The following SLC4A4 variants were observed in gnomAD, a reference collection of about 807,000 sequenced individuals.
SLC4A4 encodes the protein solute carrier family 4 member 4, also known as electrogenic sodium bicarbonate cotransporter 1.
SLC4A4 carries 27 observed loss-of-function variants against 111.5 expected under a neutral mutation model. The observed-to-expected ratio is 0.24, with a 90% CI of 0.18 to 0.33. The LOEUF is 0.33. Ranked by LOEUF, SLC4A4 falls within the 10% of genes least tolerant of loss-of-function variation. SLC4A4 has a pLI of 1.00. For synonymous variants in SLC4A4, 443 were observed against 463.4 expected, an observed-to-expected ratio of 0.96 and a Z score of 0.57; for missense variants, 909 against 1,315.5, an observed-to-expected ratio of 0.69 and a Z score of 4.78.
At chr4:71,282,345 G>A (rs909063919) in intron 3 of SLC4A4, among the ~76,000 whole-genome samples, 3 of 151,222 alleles carry the variant, frequency 2.0e-5, no homozygotes, top group Non-Finnish European at 2.9e-5. Context: ...CCAGGCTGGA[G>A]TGCAATCTCA....
At chr4:71,435,204 A>C (rs966993316) in intron 7 of SLC4A4, among the ~76,000 whole-genome samples, 1 of 152,224 alleles carries the variant, frequency 6.6e-6, no homozygotes, top group African/African-American at 2.4e-5. Flanking sequence ...CTGGTACCAA[A>C]ACAGATATAT....
chr4:71,351,021 C>T (rs1249399026), intron 5 of SLC4A4, among the ~76,000 whole-genome samples: 1 of 152,122 alleles, frequency 6.6e-6, no homozygotes, highest in Non-Finnish European at 1.5e-5. Flanking sequence ...TTAGGCCAAG[C>T]TACTGATAGA....
chr4:71,192,320 T>A (rs1315957848), intron 1 of SLC4A4, among the ~76,000 whole-genome samples: 2 of 152,110 alleles, frequency 1.3e-5, no homozygotes, highest in African/African-American at 2.4e-5. Flanking sequence ...GCAGGCAAAA[T>A]AGAGGGTAAA....
chr4:71,373,564 A>C (rs906601191), intron 6 of SLC4A4, among the ~76,000 whole-genome samples: 1 of 152,188 alleles, frequency 6.6e-6, no homozygotes, highest in Admixed American at 6.5e-5. Flanking sequence ...TTGATACATT[A>C]AATTAGCAGA....
intron 6 of SLC4A4, among the ~76,000 whole-genome samples, chr4:71,391,408 A>G (rs1447351240): frequency 2.0e-5 from 3 of 152,098 alleles, no homozygotes; most frequent in Admixed American, 2.0e-4. Flanking sequence ...ACATTCAAAT[A>G]TCTTCTTTCT....
At chr4:71,544,487 A>AGTGG (rs1735330727) in intron 18 of SLC4A4, among the ~76,000 whole-genome samples, 1 of 151,994 alleles carries the variant, frequency 6.6e-6, no homozygotes, top group Non-Finnish European at 1.5e-5. Flanking sequence ...AATGAACCAT[A>AGTGG]GTGGGGTCTT....
At chr4:71,489,176 A>G (rs1729680760) in intron 15 of SLC4A4, among the ~76,000 whole-genome samples, 1 of 151,704 alleles carries the variant, frequency 6.6e-6, no homozygotes, top group African/African-American at 2.4e-5. Flanking sequence ...TGTTACCCCT[A>G]TTTTATAGAT....
At chr4:71,420,394 C>G (rs1178799674) in intron 7 of SLC4A4, among the ~76,000 whole-genome samples, 1 of 152,132 alleles carries the variant, frequency 6.6e-6, no homozygotes, top group Non-Finnish European at 1.5e-5. Flanking sequence ...AGAATGGAAC[C>G]AAGTTGGAAA....
intron 1 of SLC4A4, among the ~76,000 whole-genome samples, chr4:71,229,596 T>C (rs1457822308): frequency 6.6e-6 from 1 of 152,154 alleles, no homozygotes; most frequent in East Asian, 1.9e-4. Flanking sequence ...ATTAGGGTGC[T>C]CCTGAGCTCT....
intron 3 of SLC4A4, among the ~76,000 whole-genome samples, chr4:71,311,295 A>T (rs370509195): frequency 6.6e-6 from 1 of 152,118 alleles, no homozygotes; most frequent in East Asian, 1.9e-4. Flanking sequence ...CGAGACAGAA[A>T]ATTAACAAGG....
rs186669491 is a variant in SLC4A4 at position 71,122,134 on chromosome 4, C to T, written c.-2+29342C>T. On this transcript the variant is annotated intron_variant, in intron 2 of 26. Coordinates refer to the SLC4A4 transcript ENST00000649996. ...TCTTTAAGAACTGTAACACTCACCA[C>T]GAGCGTCCGTGGCTGCATTCTTGAA... is the stretch of plus-strand genomic sequence containing the variant. 2.3e-3 allele frequency among the ~76,000 whole-genome samples: 355 copies of T among 152,056 alleles called. 1 individual carries two copies. Among genetic ancestry groups the T allele is most frequent in the African/African-American group, 7.9e-3 (328 of 41,456 alleles).
intron 2 of SLC4A4, among the ~76,000 whole-genome samples, chr4:71,137,375 T>G (rs998890013): frequency 6.6e-6 from 1 of 152,224 alleles, no homozygotes; most frequent in Non-Finnish European, 1.5e-5. Context: ...TAGACATCAG[T>G]CTGCCCAGCA....
chr4:71,090,691 G>T (rs777129874), intron 1 of SLC4A4, among the ~76,000 whole-genome samples: 1 of 152,160 alleles, frequency 6.6e-6, no homozygotes, highest in Non-Finnish European at 1.5e-5. Context: ...AAGAAACAAG[G>T]GTTGTTCTTT....
intron 3 of SLC4A4, among the ~76,000 whole-genome samples, chr4:71,315,022 T>C (rs1019069545): frequency 6.6e-6 from 1 of 152,216 alleles, no homozygotes; most frequent in Non-Finnish European, 1.5e-5. Context: ...TATTTATTCA[T>C]GCTGTTGAAG....
At chr4:71,521,504 G>T (rs1732931954) in intron 16 of SLC4A4, among the ~76,000 whole-genome samples, 1 of 152,064 alleles carries the variant, frequency 6.6e-6, no homozygotes, top group African/African-American at 2.4e-5. Flanking sequence ...AAAGTAGTGG[G>T]ATTACAGATC....
chr4:71,107,483 A>T (rs1742967908), intron 2 of SLC4A4, among the ~76,000 whole-genome samples: 1 of 151,826 alleles, frequency 6.6e-6, no homozygotes, highest in East Asian at 1.9e-4. Context: ...AGTAGTTGGG[A>T]CTAGAGGCAC....
chr4:71,115,393 C>A (rs9996471), intron 2 of SLC4A4, among the ~76,000 whole-genome samples: 149,823 of 152,224 alleles, frequency 0.98, 73,771 homozygotes, highest in Non-Finnish European at 1. Flanking sequence ...AACAAACAAA[C>A]AAACAAAAAA....
chr4:71,084,938 T>G (rs530076365), intron 1 of SLC4A4, among the ~76,000 whole-genome samples: 1 of 152,198 alleles, frequency 6.6e-6, no homozygotes, highest in Non-Finnish European at 1.5e-5. Context: ...GATTGCTAGG[T>G]CAAATGGCAT....
intron 7 of SLC4A4, among the ~76,000 whole-genome samples, chr4:71,432,133 A>T (rs1402882708): frequency 6.6e-6 from 1 of 152,180 alleles, no homozygotes; most frequent in South Asian, 2.1e-4. Flanking sequence ...AAGGCTGTTT[A>T]TAAAAAGCAG....
Sources: gnomAD v4.1 joint callset for allele counts (sites outside exome capture counted in the v4.1 genomes callset) on GRCh38, gnomAD v4.1.1 for gene constraint, MANE v1.5 for transcripts, NCBI Gene and HGNC (gene_info 2026-07-23, HGNC 2026-07-21) for gene names.